The following PTK2 variants were observed in gnomAD, a reference collection of about 807,000 sequenced individuals.
PTK2 encodes protein tyrosine kinase 2, also known as focal adhesion kinase 1.
A neutral mutation model predicts 150.1 loss-of-function variants in PTK2; 45 were observed. That is an observed-to-expected ratio of 0.30 (90% CI 0.24 to 0.38). The LOEUF is 0.38. Among genes scored for constraint, PTK2 ranks in the 10% least tolerant of loss-of-function variants. The pLI is 1.00. For synonymous variants in PTK2, 432 were observed against 449.2 expected (o/e 0.96, Z 0.48); for missense variants, 919 against 1,307.3 (o/e 0.70, Z 4.58).
chr8:140,998,569 A>G (rs1042425757), intron 1 of PTK2, among the ~76,000 whole-genome samples: 20 of 152,006 alleles, frequency 1.3e-4, no homozygotes, highest in African/African-American at 4.3e-4. Context: ...CTGTAATCCC[A>G]GCACTTTGGG....
intron 22 of PTK2, among the ~76,000 whole-genome samples, chr8:140,729,920 A>G (rs1377282221): frequency 6.6e-6 from 1 of 152,226 alleles, no homozygotes; most frequent in Non-Finnish European, 1.5e-5. Flanking sequence ...GATACTACCT[A>G]TACGTAGTAT....
In PTK2 at chr8:140,879,415, T is replaced by C. The variant is rs73714774; in HGVS notation, c.362+56A>G. 6.2e-3 allele frequency: 9,213 copies of C among 1,495,452 alleles called. 487 individuals carry two copies. The African/African-American group carries it at 0.11, about 18-fold the overall frequency. The allele number at this position is 1,495,452 out of a possible 1,614,324, so 92.6% of individuals were successfully genotyped here. On this transcript the variant is annotated intron_variant, in intron 4 of 31. Coordinates refer to ENST00000522684, the Ensembl canonical transcript of PTK2. Reference sequence around the variant, plus strand: ...ATACATTTGTTATCTTGTGCATGTTTTTAAAAAGCAAAAGAAATCAAGTGT... The same window carrying C: ...ATACATTTGTTATCTTGTGCATGTTCTTAAAAAGCAAAAGAAATCAAGTGT...
intron 8 of PTK2, among the ~76,000 whole-genome samples, chr8:140,828,216 C>G (rs147547174): frequency 6.7e-6 from 1 of 150,236 alleles, no homozygotes; most frequent in Non-Finnish European, 1.5e-5. Context: ...AGATACTAAA[C>G]AGGGTCCCAA....
chr8:140,858,923 G>A (rs1325654178), intron 5 of PTK2, among the ~76,000 whole-genome samples: 1 of 152,160 alleles, frequency 6.6e-6, no homozygotes, highest in African/African-American at 2.4e-5. Flanking sequence ...TTTTCAAAAT[G>A]AGCCAAAAGA....
intron 23 of PTK2, among the ~76,000 whole-genome samples, chr8:140,716,188 T>C (rs1439229948): frequency 6.6e-6 from 1 of 152,180 alleles, no homozygotes; most frequent in African/African-American, 2.4e-5. Flanking sequence ...AGAATGTAAA[T>C]AGCAGACCCC....
At chr8:140,668,546 TTG>T in intron 29 of PTK2, 122 bp from the exon 34 acceptor site, 1 of 1,146,600 alleles carries the variant, frequency 8.7e-7, no homozygotes, top group East Asian at 2.4e-5. Flanking sequence ...ATTGATTTTC[TTG>T]TGTGTGCGGG....
intron 12 of PTK2, among the ~76,000 whole-genome samples, chr8:140,795,769 C>T (rs71514692): frequency 0.017 from 2,593 of 152,258 alleles, 41 homozygotes; most frequent in Non-Finnish European, 0.028. Context: ...AGTGTTTGGT[C>T]TGGCCAATCT....
rs879079754 is a variant in PTK2, at chr8:140,890,691, G to A, written c.47C>T (p.Ser16Leu). ...AGTACCCAGGTGAGTCTTAGTACTC[G>A]AATTTGGTGTGTGATTCAAGTTGGG... Residue 16 changes from serine (S) to leucine (L), a missense_variant, in exon 3 of 32, where the codon TCG becomes TTG. Transcript: ENST00000522684. The A allele has an allele frequency of 2.5e-6, 4 of 1,614,128 alleles. No homozygotes were observed. The South Asian group carries it at 3.3e-5, about 13-fold the overall frequency.
intron 10 of PTK2, among the ~76,000 whole-genome samples, chr8:140,809,592 C>T (rs1008713459): frequency 6.6e-6 from 1 of 152,100 alleles, no homozygotes; most frequent in Non-Finnish European, 1.5e-5. Context: ...ATTACTTGAA[C>T]CCAGGAGTTT....
intron 10 of PTK2, among the ~76,000 whole-genome samples, chr8:140,804,396 G>T (rs769063515): frequency 6.6e-6 from 1 of 151,520 alleles, no homozygotes; most frequent in East Asian, 1.9e-4. Context: ...AAGCAGCCTG[G>T]GCAACATAGT....
intron 16 of PTK2, among the ~76,000 whole-genome samples, chr8:140,758,129 T>C (rs2100066971): frequency 6.6e-6 from 1 of 152,210 alleles, no homozygotes; most frequent in Admixed American, 6.5e-5. Flanking sequence ...TCTCACTCTG[T>C]TGTCCAGGCT....
At chr8:140,795,050 C>A (rs2100090792) in intron 12 of PTK2, among the ~76,000 whole-genome samples, 1 of 152,198 alleles carries the variant, frequency 6.6e-6, no homozygotes, top group Admixed American at 6.5e-5. Flanking sequence ...CAAGGCTTTA[C>A]TGTCCAACTC....
At chr8:140,961,397 C>T (rs988806626) in intron 1 of PTK2, among the ~76,000 whole-genome samples, 1 of 152,114 alleles carries the variant, frequency 6.6e-6, no homozygotes, top group African/African-American at 2.4e-5. Flanking sequence ...CGTGGTGGCT[C>T]ACACCTGTAA....
At chr8:140,945,206 A>AAT (rs766963053) in intron 1 of PTK2, among the ~76,000 whole-genome samples, 9 of 152,240 alleles carry the variant, frequency 5.9e-5, no homozygotes, top group Non-Finnish European at 1.3e-4. Context: ...TCCGTAAATC[A>AAT]ATATATAAAA....
rs531552255 is a variant in PTK2, at chr8:140,748,559, C to T, written c.1418-1699G>A. On this transcript the variant is annotated intron_variant, in intron 17 of 31. Transcript: ENST00000522684. Reference sequence around the variant, plus strand: ...TGAGGACTTTCACATGAGAGAAATGCCAGCTGCTGCCTTTTTTGGCATACT... The same window carrying T: ...TGAGGACTTTCACATGAGAGAAATGTCAGCTGCTGCCTTTTTTGGCATACT... 6.6e-5 allele frequency among the ~76,000 whole-genome samples: 10 copies of T among 151,214 alleles called. 1 individual carries two copies. In the East Asian group the frequency reaches 1.9e-3, roughly 29 times the overall value.
rs577162906 is a variant in PTK2, at chr8:140,902,127, G to A, written c.-32-11358C>T. Among the ~76,000 whole-genome samples the A allele has an allele frequency of 7.2e-5, 11 of 151,834 alleles. No individual in the cohort carries two copies. In the South Asian group the frequency reaches 2.1e-3, roughly 29 times the overall value. On this transcript the variant is annotated intron_variant, in intron 2 of 31. Coordinates refer to ENST00000522684, the Ensembl canonical transcript of PTK2. ...TGGCTCACTGCAGCCTCTGACCCCC[G>A]GGTTCCAGTGATTCTCCTGCCTCAG...
In PTK2 at chr8:140,717,974, AAT is replaced by A. The variant is rs139412243; in HGVS notation, c.2031-267_2031-266del. On this transcript the variant is annotated intron_variant, in intron 22 of 31. Transcript: ENST00000522684. ...CTGGTAAGAAAAAGAGGTTGCAGAA[AAT>A]GAAGGATGGGCCAAGATGAAATGTT... is the stretch of plus-strand genomic sequence containing the variant. 487 of 354,432 alleles carry A rather than the reference AAT, an allele frequency of 1.4e-3. 8 individuals carry two copies. The East Asian group carries it at 0.024, about 18-fold the overall frequency. The allele number at this position is 354,432 out of a possible 1,614,324, so 22.0% of individuals were successfully genotyped here.
intron 25 of PTK2, 142 bp from the exon 29 acceptor site, chr8:140,701,164 T>C (rs904596150): frequency 4.2e-6 from 4 of 951,588 alleles, no homozygotes; most frequent in Non-Finnish European, 4.3e-6. Context: ...CTTGTGGGAA[T>C]AACTTTTCTG....
intron 29 of PTK2, chr8:140,668,907 C>T (rs2093970152): frequency 6.4e-6 from 1 of 155,838 alleles, no homozygotes; most frequent in Admixed American, 6.1e-5. Flanking sequence ...CTAATGGAAA[C>T]ATGTTCTTTG....
Sources: gnomAD v4.1 joint callset for allele counts (sites outside exome capture counted in the v4.1 genomes callset) on GRCh38, gnomAD v4.1.1 for gene constraint, MANE v1.5 for transcripts, NCBI Gene and HGNC (gene_info 2026-07-23, HGNC 2026-07-21) for gene names.